Variants in MLLT3 observed in about 807,000 individuals in gnomAD.
The protein encoded by MLLT3 is protein AF-9.
In MLLT3, 4 loss-of-function variants were observed where a neutral mutation model predicts 53.2. That is an observed-to-expected ratio of 0.08 (90% confidence interval 0.04 to 0.17). The LOEUF is 0.17. Ranked by LOEUF, MLLT3 falls within the 10% of genes least tolerant of loss-of-function variation. The probability of loss-of-function intolerance (pLI) is 1.00; values close to 1 mark genes in which losing one functional copy is unlikely to be tolerated. For synonymous variants in MLLT3, 283 were observed against 230.6 expected (o/e 1.23, Z -2.06); for missense variants, 569 against 684.0 (o/e 0.83, Z 1.87).
rs1454405526 is a variant in MLLT3, at chr9:20,345,439, G to A, written c.*1004C>T. On this transcript the variant is annotated 3_prime_UTR_variant, in exon 11 of 11. Transcript: ENST00000380338. Reference sequence around the variant, plus strand: ...AAGCTGAAACTCTGACTAATAAATAGATCCAAATTAAGAATTTCTACAACA... The same window carrying A: ...AAGCTGAAACTCTGACTAATAAATAAATCCAAATTAAGAATTTCTACAACA... 4.9e-6 allele frequency: 1 copy of A among 206,174 alleles called. No individual in the cohort carries two copies. The highest frequency in any genetic ancestry group is 9.8e-6 in the Non-Finnish European group (1 of 101,714). 12.8% of individuals were successfully genotyped at this position (206,174 alleles called of 1,614,324 possible).
At chr9:20,473,333 C>A (rs982705943) in intron 2 of MLLT3, among the ~76,000 whole-genome samples, 1 of 152,012 alleles carries the variant, frequency 6.6e-6, no homozygotes, top group Non-Finnish European at 1.5e-5. Context: ...GTACAATCAT[C>A]CCCTAAAAAT....
intron 2 of MLLT3, among the ~76,000 whole-genome samples, chr9:20,566,266 C>T (rs776553696): frequency 2.1e-4 from 32 of 151,110 alleles, no homozygotes; most frequent in Non-Finnish European, 4.3e-4. Context: ...TGGTGAAACC[C>T]AGTTTCTACC....
At chr9:20,412,357 ACTAT>A (rs1822750204) in intron 5 of MLLT3, among the ~76,000 whole-genome samples, 2 of 152,244 alleles carry the variant, frequency 1.3e-5, no homozygotes, top group African/African-American at 4.8e-5. Context: ...ATAAATTATG[ACTAT>A]AAAGCCTTTA....
At chr9:20,367,489 G>A (rs994137094) in intron 5 of MLLT3, among the ~76,000 whole-genome samples, 1 of 152,256 alleles carries the variant, frequency 6.6e-6, no homozygotes, top group South Asian at 2.1e-4. Flanking sequence ...TAGGCCCTGC[G>A]TTCCACCTTC....
At chr9:20,411,628 T>C (rs1386445862) in intron 5 of MLLT3, among the ~76,000 whole-genome samples, 1 of 152,228 alleles carries the variant, frequency 6.6e-6, no homozygotes, top group Non-Finnish European at 1.5e-5. Flanking sequence ...ATATACCATT[T>C]TGAAAATTTA....
intron 4 of MLLT3, among the ~76,000 whole-genome samples, chr9:20,423,833 G>C (rs1241090807): frequency 6.6e-6 from 1 of 151,700 alleles, no homozygotes; most frequent in Non-Finnish European, 1.5e-5. Context: ...GGTGGTGCAT[G>C]CCTGTAGTTC....
At chr9:20,583,634 A>G (rs1429676448) in intron 2 of MLLT3, among the ~76,000 whole-genome samples, 1 of 152,188 alleles carries the variant, frequency 6.6e-6, no homozygotes, top group East Asian at 1.9e-4. Flanking sequence ...CAGGCTCAAC[A>G]TCACATGGAA....
chr9:20,362,436 T>C (rs565216633), intron 7 of MLLT3, among the ~76,000 whole-genome samples: 159 of 152,350 alleles, frequency 1.0e-3, no homozygotes, highest in Non-Finnish European at 7.1e-4. Context: ...GAGGTCTTTT[T>C]TCCCTATCAG....
chr9:20,458,754 T>A (rs1824036513), intron 2 of MLLT3, among the ~76,000 whole-genome samples: 1 of 152,202 alleles, frequency 6.6e-6, no homozygotes, highest in Non-Finnish European at 1.5e-5. Context: ...GTGTTGTTTA[T>A]AAGCCATCCA....
chr9:20,617,650 TG>T (rs970150757), intron 2 of MLLT3, among the ~76,000 whole-genome samples: 15 of 152,180 alleles, frequency 9.9e-5, no homozygotes, highest in African/African-American at 3.6e-4. Flanking sequence ...AATAAGATAT[TG>T]TCTTTTTTTG....
chr9:20,434,508 T>C (rs1273980200), intron 4 of MLLT3, among the ~76,000 whole-genome samples: 1 of 150,586 alleles, frequency 6.6e-6, no homozygotes, highest in Non-Finnish European at 1.5e-5. Flanking sequence ...AGAGGATGTC[T>C]TCAAGGGGCC....
At chr9:20,469,226 G>T (rs1346163953) in intron 2 of MLLT3, among the ~76,000 whole-genome samples, 1 of 152,028 alleles carries the variant, frequency 6.6e-6, no homozygotes, top group African/African-American at 2.4e-5. Context: ...AGTTAGAGTG[G>T]CATATGAACT....
intron 7 of MLLT3, chr9:20,363,178 A>T: frequency 3.7e-6 from 1 of 269,766 alleles, no homozygotes. Context: ...TCTTCAAATG[A>T]AAACAGACTT....
At chr9:20,455,089 ATTGAAC>A (rs1348293953) in intron 3 of MLLT3, among the ~76,000 whole-genome samples, 2 of 152,248 alleles carry the variant, frequency 1.3e-5, no homozygotes, top group Non-Finnish European at 2.9e-5. Context: ...CTTAAGGGAA[ATTGAAC>A]TTGAAATGAG....
At chr9:20,438,083 C>T (rs1159814251) in intron 4 of MLLT3, among the ~76,000 whole-genome samples, 3 of 152,162 alleles carry the variant, frequency 2.0e-5, no homozygotes, top group African/African-American at 7.2e-5. Flanking sequence ...AAGCACAAAG[C>T]AGAGTGGCAG....
At chr9:20,414,594 T>C (rs568295558) in intron 4 of MLLT3, among the ~76,000 whole-genome samples, 169 bp from the exon 5 acceptor site, 35 of 152,290 alleles carry the variant, frequency 2.3e-4, no homozygotes, top group African/African-American at 7.9e-4. Context: ...GAGAATAGTG[T>C]ATGTGAGAAA....
chr9:20,423,675 G>A lies in MLLT3; in HGVS notation c.421-9250C>T, dbSNP rs139472989. On this transcript the variant is annotated intron_variant, in intron 4 of 10. Coordinates refer to ENST00000380338, the MANE Select transcript of MLLT3 (RefSeq NM_004529.4). ...ATTAAAAAAAAAAAATTAGCCAGGC[G>A]TAGTGGCATGTGCCTGTAGTCCCAG... Among the ~76,000 whole-genome samples the A allele has an allele frequency of 6.4e-3, 964 of 151,558 alleles. 10 individuals carry two copies. The highest frequency in any genetic ancestry group is 0.021 in the African/African-American group (868 of 41,272).
intron 2 of MLLT3, among the ~76,000 whole-genome samples, chr9:20,476,907 T>A (rs1586979219): frequency 6.6e-6 from 1 of 152,196 alleles, no homozygotes; most frequent in Non-Finnish European, 1.5e-5. Context: ...AAGGAATCTA[T>A]CCTTTAAAAC....
intron 2 of MLLT3, among the ~76,000 whole-genome samples, chr9:20,572,435 T>C (rs1161614659): frequency 6.6e-6 from 1 of 152,222 alleles, no homozygotes; most frequent in African/African-American, 2.4e-5. Flanking sequence ...CCACAATCTA[T>C]AAAGCTCTCA....
Sources: allele counts gnomAD v4.1 joint callset (sites outside exome capture counted in the v4.1 genomes callset), GRCh38; gene constraint gnomAD v4.1.1; transcripts MANE v1.5; gene names NCBI Gene and HGNC (gene_info 2026-07-23, HGNC 2026-07-21).